The following GPHN variants were observed in gnomAD, a reference collection of about 807,000 sequenced individuals.
The protein encoded by GPHN is gephyrin.
A neutral mutation model predicts 95.5 loss-of-function variants in GPHN; 17 were observed. The observed-to-expected ratio is 0.18, with a 90% CI of 0.12 to 0.27. The LOEUF is 0.27. Ranked by LOEUF, GPHN falls within the 10% of genes least tolerant of loss-of-function variation. The probability of loss-of-function intolerance (pLI) is 1.00; values close to 1 mark genes in which losing one functional copy is unlikely to be tolerated. For missense variants in GPHN, 660 were observed against 978.1 expected (o/e 0.67, Z 4.34); for synonymous variants, 320 against 322.5 (o/e 0.99, Z 0.08).
chr14:67,659,624 A>C, the GPHN span: 1 of 1,130,190 alleles, frequency 8.8e-7, no homozygotes, highest in Non-Finnish European at 1.2e-6. Flanking sequence ...AAATGAAACA[A>C]GAGTCTAGTA....
chr14:66,543,830 C>T (rs766243692), intron 1 of GPHN, among the ~76,000 whole-genome samples: 31 of 152,216 alleles, frequency 2.0e-4, no homozygotes, highest in Admixed American at 1.2e-3. Context: ...CATTATCTCT[C>T]ACCTGGATTA....
At chr14:67,388,274 GAA>G in the GPHN span, 2 of 1,613,308 alleles carry the variant, frequency 1.2e-6, no homozygotes, top group Non-Finnish European at 1.7e-6. Context: ...ACCACGAAGA[GAA>G]AACCCACCCA....
intron 9 of GPHN, among the ~76,000 whole-genome samples, chr14:67,003,047 T>C (rs1378650971): frequency 6.6e-6 from 1 of 151,618 alleles, no homozygotes; most frequent in African/African-American, 2.4e-5. Context: ...ACACTTAATG[T>C]CTTTCTTTTC....
intron 2 of GPHN, among the ~76,000 whole-genome samples, chr14:66,751,635 G>A (rs916135763): frequency 1.3e-5 from 2 of 152,066 alleles, no homozygotes; most frequent in Non-Finnish European, 2.9e-5. Flanking sequence ...CTCCCGTTCT[G>A]TAGGTTGTCT....
chr14:66,704,018 C>T (rs567234108), intron 2 of GPHN, among the ~76,000 whole-genome samples: 5 of 150,178 alleles, frequency 3.3e-5, no homozygotes, highest in African/African-American at 1.2e-4. Flanking sequence ...GAGTTGCAAT[C>T]CTAGACTCTG....
At chr14:67,238,465 TC>T in the GPHN span, among the ~76,000 whole-genome samples, 1 of 152,064 alleles carries the variant, frequency 6.6e-6, no homozygotes. Context: ...AGACGGGGTC[TC>T]CCCATGTTGA....
the GPHN span, among the ~76,000 whole-genome samples, chr14:67,221,554 AC>A: frequency 6.6e-6 from 1 of 152,194 alleles, no homozygotes; most frequent in Non-Finnish European, 1.5e-5. Flanking sequence ...CGTACAATAA[AC>A]TTTTACGGCT....
chr14:67,192,245 G>A, the GPHN span, among the ~76,000 whole-genome samples: 1,243 of 152,252 alleles, frequency 8.2e-3, 18 homozygotes, highest in African/African-American at 0.029. Context: ...ATACACAATC[G>A]TGATAGAATA....
chr14:67,619,436 C>G, the GPHN span, among the ~76,000 whole-genome samples: 2 of 152,228 alleles, frequency 1.3e-5, no homozygotes, highest in Non-Finnish European at 1.5e-5. Flanking sequence ...CACTGATGCC[C>G]AGTCTAAGAG....
intron 1 of GPHN, among the ~76,000 whole-genome samples, chr14:66,602,314 C>G (rs962951397): frequency 6.6e-6 from 1 of 151,940 alleles, no homozygotes; most frequent in African/African-American, 2.4e-5. Flanking sequence ...TCAGAAAACA[C>G]CATACTAATC....
chr14:67,077,185 A>G (rs1464176511), intron 11 of GPHN, among the ~76,000 whole-genome samples: 2 of 152,060 alleles, frequency 1.3e-5, no homozygotes, highest in Non-Finnish European at 2.9e-5. Context: ...ATTATGTAAA[A>G]CCATCACAAT....
chr14:67,046,465 G>C (rs998859670), intron 10 of GPHN, among the ~76,000 whole-genome samples: 1 of 152,142 alleles, frequency 6.6e-6, no homozygotes, highest in Admixed American at 6.6e-5. Flanking sequence ...TGAGAGATGA[G>C]ACTGAAAGGA....
chr14:67,075,092 T>C (rs1377147714), intron 11 of GPHN, among the ~76,000 whole-genome samples: 5 of 152,204 alleles, frequency 3.3e-5, no homozygotes, highest in South Asian at 4.1e-4. Context: ...AATTAATTCC[T>C]GTCTTCAAAG....
At chr14:67,704,892 G>A in the GPHN span, among the ~76,000 whole-genome samples, 5 of 152,186 alleles carry the variant, frequency 3.3e-5, no homozygotes, top group Admixed American at 3.3e-4. Context: ...ATTTCAGGAG[G>A]AACTCATCTG....
intron 9 of GPHN, among the ~76,000 whole-genome samples, chr14:66,976,277 A>G (rs1567171725): frequency 6.6e-6 from 1 of 152,208 alleles, no homozygotes; most frequent in Non-Finnish European, 1.5e-5. Flanking sequence ...AACTGTTGAA[A>G]TACAAGAAAT....
intron 12 of GPHN, among the ~76,000 whole-genome samples, chr14:67,096,603 T>G (rs2077405235): frequency 6.6e-6 from 1 of 151,734 alleles, no homozygotes; most frequent in African/African-American, 2.4e-5. Context: ...TATACAGAAT[T>G]AATCAAAGCA....
At chr14:67,423,595 G>A in the GPHN span, among the ~76,000 whole-genome samples, 2 of 152,154 alleles carry the variant, frequency 1.3e-5, no homozygotes, top group South Asian at 2.1e-4. Context: ...AGGGGAAGTG[G>A]TAAGTCTGAG....
the GPHN span, chr14:67,350,786 T>G: frequency 8.6e-7 from 1 of 1,163,992 alleles, no homozygotes; most frequent in Non-Finnish European, 1.2e-6. Context: ...CAGTATTTTA[T>G]GCTGGCTGTG....
intron 9 of GPHN, among the ~76,000 whole-genome samples, chr14:67,010,147 C>G (rs10133107): frequency 0.33 from 49,569 of 152,016 alleles, 12,890 homozygotes; most frequent in African/African-American, 0.7. Flanking sequence ...AATTACCCTT[C>G]AGCTCCTCCC....
Sources: allele counts gnomAD v4.1 joint callset (sites outside exome capture counted in the v4.1 genomes callset), GRCh38; gene constraint gnomAD v4.1.1; transcripts MANE v1.5; gene names NCBI Gene and HGNC (gene_info 2026-07-23, HGNC 2026-07-21).